The following PMF1 variants were observed in gnomAD, a reference collection of about 807,000 sequenced individuals.
PMF1 encodes the protein polyamine modulated factor 1.
A neutral mutation model predicts 26.7 loss-of-function variants in PMF1; 21 were observed. That is an observed-to-expected ratio of 0.79 (90% confidence interval 0.56 to 1.13). The LOEUF (loss-of-function observed/expected upper bound fraction) is 1.13. PMF1 is among the 50% of genes most tolerant of loss of function. The pLI is 0.00. For missense variants in PMF1, 266 were observed against 254.9 expected, an observed-to-expected ratio of 1.04 and a Z score of -0.30; for synonymous variants, 105 against 101.0, an observed-to-expected ratio of 1.04 and a Z score of -0.24.
In PMF1 at chr1:156,225,432, CT is replaced by C. The variant is rs895223400; in HGVS notation, c.162-6884del. 9.5e-5 allele frequency: 59 copies of C among 621,784 alleles called. No homozygotes were observed. The Middle Eastern group carries it at 1.7e-3, about 18-fold the overall frequency. 38.5% of individuals were successfully genotyped at this position (621,784 alleles called of 1,614,324 possible). ...GTGTACACTATACCCAGTATGTAGT[CT>C]TTTATCCCTCACCCCCCTCCCACCC... is the stretch of plus-strand genomic sequence containing the variant. On this transcript the variant is annotated intron_variant, in intron 1 of 4. Coordinates refer to ENST00000368277, the MANE Select transcript of PMF1 (RefSeq NM_007221.4).
rs564773343 is a variant in PMF1, at chr1:156,213,157, A to C, written c.142A>C (p.Lys48Gln). ...LDTMVDTFLQ[K>Q]LVAAGSYQRF... ...CACCATGGTGGACACTTTTCTTCAG[A>C]AGCTGGTCGCCGCCGGCAGGTAAAG... The change falls in exon 1 of 5, where the codon AAG becomes CAG. Residue 48 changes from lysine (K) to glutamine (Q), a missense_variant. Physicochemically the swap from Lys to Gln is moderately conservative, Grantham distance 53. Coordinates refer to ENST00000368277, the MANE Select transcript of PMF1 (RefSeq NM_007221.4). 150 of 1,613,360 alleles carry C rather than the reference A, an allele frequency of 9.3e-5. 2 individuals are homozygous for C. The highest frequency in any genetic ancestry group is 9.0e-4 in the South Asian group (82 of 91,074).
chr1:156,236,154 A>G (rs947447873), intron 3 of PMF1, 134 bp from the exon 4 acceptor site: 55 of 1,205,042 alleles, frequency 4.6e-5, no homozygotes, highest in Non-Finnish European at 5.7e-5. Context: ...GAGAGGGACC[A>G]CAGGAGAGAC....
chr1:156,233,267 C>T (rs1361084953), intron 2 of PMF1, among the ~76,000 whole-genome samples: 1 of 151,862 alleles, frequency 6.6e-6, no homozygotes, highest in East Asian at 1.9e-4. Context: ...GATTCTTGTG[C>T]CTCAGCCTCC....
At chr1:156,233,265 T>G (rs1237334507) in intron 2 of PMF1, among the ~76,000 whole-genome samples, 1 of 151,844 alleles carries the variant, frequency 6.6e-6, no homozygotes, top group African/African-American at 2.4e-5. Context: ...GTGATTCTTG[T>G]GCCTCAGCCT....
chr1:156,234,391 G>A (rs1658889711), intron 3 of PMF1, among the ~76,000 whole-genome samples: 1 of 152,138 alleles, frequency 6.6e-6, no homozygotes, highest in Non-Finnish European at 1.5e-5. Flanking sequence ...AGAATCGTGA[G>A]GTTTGGAATC....
At chr1:156,223,740 C>G (rs1242856699) in intron 1 of PMF1, 1 of 152,564 alleles carries the variant, frequency 6.6e-6, no homozygotes, top group African/African-American at 2.4e-5. Context: ...TGCTGCTCTT[C>G]TCCTGTCCTG....
chr1:156,235,663 G>A (rs147154088), intron 3 of PMF1, among the ~76,000 whole-genome samples: 4,482 of 150,948 alleles, frequency 0.03, 101 homozygotes, highest in Middle Eastern at 0.057. Context: ...GGATGCTCTC[G>A]ATCTCCTGAC....
chr1:156,239,883 C>T lies in PMF1; in HGVS notation c.*282C>T. The T allele has an allele frequency of 2.5e-6, 1 of 394,066 alleles. No individual in the cohort carries two copies. 24.4% of individuals were successfully genotyped at this position (394,066 alleles called of 1,614,324 possible). ...TTCTCTAGGTTCAGGTCAGCTCTGC[C>T]CCTCCGCCCCCCTCCTGCTGGTTCC... On this transcript the variant is annotated 3_prime_UTR_variant, in exon 5 of 5. Transcript: ENST00000368277.
chr1:156,215,981 A>G (rs902193506), intron 1 of PMF1, among the ~76,000 whole-genome samples: 1 of 152,160 alleles, frequency 6.6e-6, no homozygotes, highest in African/African-American at 2.4e-5. Context: ...GACCATTGAC[A>G]GTGTCAATAA....
intron 2 of PMF1, 46 bp from the exon 3 acceptor site, chr1:156,233,582 T>C (rs1219513819): frequency 2.5e-6 from 4 of 1,593,528 alleles, no homozygotes; most frequent in African/African-American, 1.3e-5. Context: ...ATTTTTGCCA[T>C]GAGCTCATCT....
intron 1 of PMF1, among the ~76,000 whole-genome samples, chr1:156,219,609 A>C (rs1478320864): frequency 1.3e-5 from 2 of 152,046 alleles, no homozygotes; most frequent in Non-Finnish European, 2.9e-5. Flanking sequence ...ATTTAGAGAC[A>C]GGATTTTGCT....
chr1:156,215,692 CATTT>C (rs761056507), intron 1 of PMF1, among the ~76,000 whole-genome samples: 4 of 151,950 alleles, frequency 2.6e-5, no homozygotes, highest in Non-Finnish European at 4.4e-5. Flanking sequence ...GTGCCCGTCC[CATTT>C]ATTTATTTAT....
At chr1:156,215,782 G>T (rs1440095920) in intron 1 of PMF1, among the ~76,000 whole-genome samples, 1 of 151,980 alleles carries the variant, frequency 6.6e-6, no homozygotes, top group Non-Finnish European at 1.5e-5. Context: ...CCTGCCTCTT[G>T]GGTTCAAGCG....
rs767498512 is a variant in PMF1, at chr1:156,213,026, C to T, written c.11C>T (p.Ala4Val). The change falls in exon 1 of 5, where the codon GCA becomes GTA. Residue 4 changes from alanine (A) to valine (V), a missense_variant. Transcript: ENST00000368277. MAE[A>V]SSANLGSGCE... is the part of the protein sequence containing the mutation. ...AGGTTCAACTTCAACATGGCCGAAG[C>T]AAGTAGCGCCAATCTAGGCAGCGGC... is the stretch of plus-strand genomic sequence containing the variant. 2 of 1,614,192 alleles carry T rather than the reference C, an allele frequency of 1.2e-6. No homozygotes were observed. Among genetic ancestry groups the T allele is most frequent in the Non-Finnish European group, 1.7e-6 (2 of 1,180,010 alleles).
chr1:156,237,508 A>C (rs950268971), intron 4 of PMF1, among the ~76,000 whole-genome samples: 1 of 138,108 alleles, frequency 7.2e-6, no homozygotes, highest in Non-Finnish European at 1.5e-5. Context: ...GTGCAGTGGC[A>C]CGATCTCAGC....
In PMF1 at chr1:156,228,813, C is replaced by T. The variant is rs373858414; in HGVS notation, c.162-3507C>T. Among the ~76,000 whole-genome samples, 5 of 152,332 alleles carry T rather than the reference C, an allele frequency of 3.3e-5. No homozygotes were observed. The East Asian group carries it at 7.7e-4, about 23-fold the overall frequency. ...CGTTCCTCCTGGTAGCCACAGACTG[C>T]GTGGCTAGTCAGGCCAGCAGCAAAA... On this transcript the variant is annotated intron_variant, in intron 1 of 4. Coordinates refer to ENST00000368277, the MANE Select transcript of PMF1 (RefSeq NM_007221.4).
intron 3 of PMF1, among the ~76,000 whole-genome samples, chr1:156,235,207 C>T (rs1172058385): frequency 1.3e-5 from 2 of 151,764 alleles, no homozygotes; most frequent in Non-Finnish European, 2.9e-5. Context: ...TCACTGCAAC[C>T]TCAGCCTCCC....
intron 1 of PMF1, among the ~76,000 whole-genome samples, chr1:156,226,502 G>A (rs1008080386): frequency 6.6e-6 from 1 of 152,202 alleles, no homozygotes; most frequent in African/African-American, 2.4e-5. Context: ...CTTCCACCCG[G>A]GAGGAGACTT....
At chr1:156,228,783 C>T (rs1572495395) in intron 1 of PMF1, among the ~76,000 whole-genome samples, 1 of 152,186 alleles carries the variant, frequency 6.6e-6, no homozygotes, top group East Asian at 1.9e-4. Context: ...TCATGTGTTC[C>T]TCCACGTTCC....
Sources: allele counts gnomAD v4.1 joint callset (sites outside exome capture counted in the v4.1 genomes callset), GRCh38; gene constraint gnomAD v4.1.1; transcripts MANE v1.5; gene names NCBI Gene and HGNC (gene_info 2026-07-23, HGNC 2026-07-21).